FRYL: variants seen among roughly 807,000 people sequenced by gnomAD.
FRYL encodes the protein FRY like transcription coactivator.
FRYL carries 150 observed loss-of-function variants against 351.2 expected under a neutral mutation model. That is an observed-to-expected ratio of 0.43 (90% CI 0.37 to 0.49). FRYL has a LOEUF of 0.49. Among genes scored for constraint, FRYL ranks in the 20% least tolerant of loss-of-function variants. FRYL has a pLI of 0.00. For missense variants in FRYL, 3,036 were observed against 3,619.3 expected (o/e 0.84, Z 4.13); for synonymous variants, 1,153 against 1,257.1 (o/e 0.92, Z 1.75).
At chr4:48,744,469 G>A (rs769112523) in intron 1 of FRYL, among the ~76,000 whole-genome samples, 20 of 152,310 alleles carry the variant, frequency 1.3e-4, no homozygotes, top group South Asian at 4.1e-4. Flanking sequence ...CAAAGTCACT[G>A]AGTTACACAG....
At chr4:48,730,930 G>C (rs186834438) in intron 1 of FRYL, among the ~76,000 whole-genome samples, 213 of 152,162 alleles carry the variant, frequency 1.4e-3, no homozygotes, top group African/African-American at 4.6e-3. Context: ...TGGCAAATTG[G>C]ATAAAGAGTC....
Position 48,567,436 on chromosome 4 carries a change from A to T in FRYL, c.2997-16T>A, listed in dbSNP as rs1737031545. ...ACCACTTGCACTGAAAATATTGAAGAAAACAAAAGATGAAGTAAATGGGAC... is the reference window on the plus strand; with the variant it reads ...ACCACTTGCACTGAAAATATTGAAGTAAACAAAAGATGAAGTAAATGGGAC... On this transcript the variant is annotated splice_polypyrimidine_tract_variant and intron_variant, in intron 27 of 63. Coordinates refer to ENST00000358350, the MANE Select transcript of FRYL (RefSeq NM_015030.2). The surrounding 1 kb of genome is among the most constrained non-coding windows in gnomAD (Gnocchi z 4.2). 2.9e-5 allele frequency: 45 copies of T among 1,566,010 alleles called. No homozygotes were observed. Among genetic ancestry groups the T allele is most frequent in the Non-Finnish European group, 3.9e-5 (45 of 1,159,766 alleles).
chr4:48,565,550 T>A lies in FRYL; in HGVS notation c.3311A>T (p.His1104Leu), dbSNP rs771312481. 3.5e-5 allele frequency: 57 copies of A among 1,607,732 alleles called. No homozygotes were observed. Among genetic ancestry groups the A allele is most frequent in the Non-Finnish European group, 5.9e-6 (7 of 1,178,530 alleles). ...YSDRNMQINRHQYCALKAMSA... is the reference protein window; with the variant it reads ...YSDRNMQINRLQYCALKAMSA... ...AAATACCTTTAACGCACAGTATTGA[T>A]GTCTATTAATTTGCATATTTCTATC... Residue 1104 changes from histidine (H) to leucine (L), a missense_variant, in exon 29 of 64, where the codon CAT (histidine) becomes CTT (leucine). Physicochemically the swap from His to Leu is moderately conservative, Grantham distance 99. This residue lies in a region of FRYL where 1,987 missense variants were observed against 2,311.7 expected (regional missense o/e 0.86). Transcript: ENST00000358350.
chr4:48,743,251 G>T (rs565877061), intron 1 of FRYL, among the ~76,000 whole-genome samples: 26 of 152,096 alleles, frequency 1.7e-4, no homozygotes, highest in Non-Finnish European at 3.7e-4. Flanking sequence ...TCTTATCTAG[G>T]TGTTACTTTT....
At chr4:48,631,241 T>A (rs1445074754) in intron 4 of FRYL, among the ~76,000 whole-genome samples, 1 of 152,110 alleles carries the variant, frequency 6.6e-6, no homozygotes, top group Non-Finnish European at 1.5e-5. Context: ...CAGTGATGCC[T>A]CTTCTATTTG....
At chr4:48,612,524 G>GTGTGT (rs1473454410) in intron 7 of FRYL, among the ~76,000 whole-genome samples, 1 of 151,808 alleles carries the variant, frequency 6.6e-6, no homozygotes, top group Non-Finnish European at 1.5e-5. Flanking sequence ...GTGTGTGTGT[G>GTGTGT]TGACACCACA....
At chr4:48,602,180 T>A (rs2149252309) in intron 12 of FRYL, 59 bp from the exon 13 acceptor site, 1 of 828,038 alleles carries the variant, frequency 1.2e-6, no homozygotes, top group Non-Finnish European at 2.0e-6. Flanking sequence ...ACTGGACTTT[T>A]AAATTTTATA....
At chr4:48,517,135 A>G (rs1239005342) in intron 55 of FRYL, among the ~76,000 whole-genome samples, 1 of 152,182 alleles carries the variant, frequency 6.6e-6, no homozygotes, top group Non-Finnish European at 1.5e-5. Context: ...AATATACTCT[A>G]AGGTTTCCAG....
At chr4:48,622,532 T>C (rs978826286) in intron 5 of FRYL, among the ~76,000 whole-genome samples, 5 of 152,196 alleles carry the variant, frequency 3.3e-5, no homozygotes, top group African/African-American at 1.2e-4. Flanking sequence ...CACTCTTCTT[T>C]ATTTAGTCAA....
At chr4:48,694,483 GAC>G (rs1346137740) in intron 2 of FRYL, among the ~76,000 whole-genome samples, 1 of 152,024 alleles carries the variant, frequency 6.6e-6, no homozygotes, top group Non-Finnish European at 1.5e-5. Context: ...TTTTAGGAGA[GAC>G]AGGGTTTCAC....
intron 33 of FRYL, among the ~76,000 whole-genome samples, chr4:48,560,044 T>C (rs909319022): frequency 5.3e-5 from 8 of 151,734 alleles, no homozygotes; most frequent in South Asian, 2.1e-4. Flanking sequence ...GAATATGGAA[T>C]AGTGAGTGTA....
intron 62 of FRYL, among the ~76,000 whole-genome samples, 153 bp from the exon 63 acceptor site, chr4:48,500,373 A>G (rs1173241861): frequency 6.6e-6 from 1 of 152,238 alleles, no homozygotes; most frequent in African/African-American, 2.4e-5. Flanking sequence ...TAATATTTCA[A>G]GTACTCCATT....
chr4:48,603,309 G>C lies in FRYL; in HGVS notation c.914C>G (p.Ser305Trp). Residue 305 changes from serine (S) to tryptophan (W), a missense_variant, in exon 12 of 64, where the codon TCG (serine) becomes TGG (tryptophan). Ser to Trp is a radical substitution (Grantham distance 177, BLOSUM62 -3). Transcript: ENST00000358350. ...MLYQTTFELS[S>W]RKKHSLALYP... The stretch of plus-strand genomic sequence containing the variant: ...TAATACCAATGAATGCTTCTTTCTC[G>C]AGCTCAGTTCAAAAGTAGTCTGATA... 3 of 1,607,528 alleles carry C rather than the reference G, an allele frequency of 1.9e-6. No homozygotes were observed. The highest frequency in any genetic ancestry group is 1.1e-5 in the South Asian group (1 of 90,300).
intron 1 of FRYL, among the ~76,000 whole-genome samples, chr4:48,755,425 T>C (rs1366883460): frequency 6.6e-6 from 1 of 152,228 alleles, no homozygotes; most frequent in Non-Finnish European, 1.5e-5. Context: ...TCTCCAGTTG[T>C]CACCAATTCA....
In FRYL at chr4:48,606,432, T is replaced by C. The variant is rs758985031; in HGVS notation, c.741+6A>G. On this transcript the variant is annotated splice_donor_region_variant and intron_variant, in intron 10 of 63. Coordinates refer to ENST00000358350, the MANE Select transcript of FRYL (RefSeq NM_015030.2). The stretch of plus-strand genomic sequence containing the variant: ...TCTATTTACTGTCATTTAGAAGGTA[T>C]ATCACCTGCATAAATTGAAATGATG... 4.9e-5 allele frequency: 79 copies of C among 1,598,014 alleles called. 1 individual carries two copies. The South Asian group carries it at 8.5e-4, about 17-fold the overall frequency.
intron 23 of FRYL, among the ~76,000 whole-genome samples, chr4:48,578,675 G>T (rs1740218616): frequency 6.6e-6 from 1 of 152,140 alleles, no homozygotes; most frequent in Non-Finnish European, 1.5e-5. Context: ...CTCATCCTTA[G>T]ATTCTTTCCC....
chr4:48,721,702 C>T lies in FRYL; in HGVS notation c.-383-11004G>A, dbSNP rs548885921. On this transcript the variant is annotated intron_variant, in intron 1 of 63. Coordinates refer to ENST00000358350, the MANE Select transcript of FRYL (RefSeq NM_015030.2). The stretch of plus-strand genomic sequence containing the variant: ...TCGCCCAGGCTGGAGTGCTGTGGCG[C>T]GATCATGGCTCACTGCAACTTCTGC... 1.3e-4 allele frequency among the ~76,000 whole-genome samples: 20 copies of T among 152,188 alleles called. No individual in the cohort carries two copies. In the East Asian group the frequency reaches 2.7e-3, roughly 21 times the overall value.
intron 41 of FRYL, chr4:48,546,672 G>C (rs536957914): frequency 5.3e-6 from 1 of 189,866 alleles, no homozygotes; most frequent in African/African-American, 2.3e-5. Context: ...TTGCAGAAAG[G>C]CTCATCTATC....
chr4:48,552,866 T>G (rs971715004), intron 36 of FRYL, among the ~76,000 whole-genome samples: 5 of 152,176 alleles, frequency 3.3e-5, no homozygotes, highest in African/African-American at 1.2e-4. Flanking sequence ...AACAGAAATT[T>G]CATCTACAAT....
Sources: allele counts gnomAD v4.1 joint callset (sites outside exome capture counted in the v4.1 genomes callset), GRCh38; gene constraint gnomAD v4.1.1; regional missense constraint gnomAD v4.1.1; non-coding constraint Gnocchi (gnomAD v3.1); transcripts MANE v1.5; gene names NCBI Gene and HGNC (gene_info 2026-07-23, HGNC 2026-07-21).